The following SPEF2 variants were observed in gnomAD, a reference collection of about 807,000 sequenced individuals.
SPEF2 encodes sperm flagella and cilia-associated protein 2.
Under a neutral mutation model 224.6 loss-of-function variants are expected in SPEF2, and 187 were observed. That is an observed-to-expected ratio of 0.83 (90% CI 0.74 to 0.94). The LOEUF (loss-of-function observed/expected upper bound fraction) is 0.94. Ranked by LOEUF, SPEF2 falls within the 40% of genes least tolerant of loss-of-function variation. The pLI is 0.00. For synonymous variants in SPEF2, 715 were observed against 707.3 expected (o/e 1.01, Z -0.17); for missense variants, 2,170 against 2,135.6 (o/e 1.02, Z -0.32).
rs779497955 is a variant in SPEF2, at chr5:35,618,110, T to TGCAGC, written c.58+69_58+73dup. ...TGAGGGGCTAGCGGGGCGCAGAGCCTGCAGCGCAGCGCAGCGCACTCAGGG... is the reference window on the plus strand; with the variant it reads ...TGAGGGGCTAGCGGGGCGCAGAGCCTGCAGCGCAGCGCAGCGCAGCGCACTCAGGG... On this transcript the variant is annotated intron_variant, in intron 1 of 36. Transcript: ENST00000356031. 5.3e-5 allele frequency: 81 copies of TGCAGC among 1,536,428 alleles called. 1 individual carries two copies. The highest frequency in any genetic ancestry group is 1.4e-4 in the South Asian group (12 of 84,542).
At chr5:35,735,567 A>G (rs911553716) in intron 21 of SPEF2, among the ~76,000 whole-genome samples, 24 of 152,232 alleles carry the variant, frequency 1.6e-4, no homozygotes, top group African/African-American at 5.3e-4. Context: ...TAGATAATGT[A>G]TCTGTAGCAT....
chr5:35,619,205 T>C (rs1743116614), intron 1 of SPEF2, among the ~76,000 whole-genome samples: 1 of 152,226 alleles, frequency 6.6e-6, no homozygotes, highest in Non-Finnish European at 1.5e-5. Flanking sequence ...TATCCCATTG[T>C]GTCTCCAACT....
At chr5:35,638,516 T>C (rs1419907282) in intron 2 of SPEF2, among the ~76,000 whole-genome samples, 1 of 152,200 alleles carries the variant, frequency 6.6e-6, no homozygotes, top group Non-Finnish European at 1.5e-5. Context: ...GAAACTTGTA[T>C]TTATTCTGAA....
chr5:35,774,406 A>G (rs1753312190), intron 28 of SPEF2, among the ~76,000 whole-genome samples: 1 of 152,208 alleles, frequency 6.6e-6, no homozygotes, highest in South Asian at 2.1e-4. Flanking sequence ...AAGTGGTTTT[A>G]TATTACAGTA....
intron 2 of SPEF2, among the ~76,000 whole-genome samples, chr5:35,635,383 A>G (rs954732187): frequency 1.3e-5 from 2 of 152,090 alleles, no homozygotes; most frequent in African/African-American, 4.8e-5. Flanking sequence ...CCCTGAGAAC[A>G]CTAGCTGGTA....
intron 5 of SPEF2, among the ~76,000 whole-genome samples, 180 bp downstream of exon 5, chr5:35,646,987 A>G (rs1747465340): frequency 6.6e-6 from 1 of 152,192 alleles, no homozygotes; most frequent in Non-Finnish European, 1.5e-5. Context: ...TTATATTGTT[A>G]TTTGTTCAGA....
chr5:35,768,726 C>A (rs895151718), intron 26 of SPEF2, among the ~76,000 whole-genome samples: 1 of 152,064 alleles, frequency 6.6e-6, no homozygotes. Context: ...ATATTACTAA[C>A]AATCATATTT....
At chr5:35,775,851 G>C (rs1486705640) in intron 28 of SPEF2, among the ~76,000 whole-genome samples, 1 of 152,108 alleles carries the variant, frequency 6.6e-6, no homozygotes, top group Non-Finnish European at 1.5e-5. Context: ...ATAGGCCCAG[G>C]GGCACATGGA....
At chr5:35,687,931 T>C (rs564225709) in intron 10 of SPEF2, among the ~76,000 whole-genome samples, 10 of 148,594 alleles carry the variant, frequency 6.7e-5, no homozygotes, top group Non-Finnish European at 1.5e-5. Flanking sequence ...AGCAAAAAAT[T>C]TTTGCAAGCA....
chr5:35,693,985 A>C (rs765780847), intron 12 of SPEF2, among the ~76,000 whole-genome samples: 7 of 152,184 alleles, frequency 4.6e-5, no homozygotes, highest in Non-Finnish European at 1.0e-4. Context: ...CCCTTTCCTC[A>C]GGTTCCACTA....
intron 11 of SPEF2, 71 bp from the exon 12 acceptor site, chr5:35,692,499 C>T: frequency 1.6e-6 from 2 of 1,229,864 alleles, no homozygotes; most frequent in African/African-American, 1.5e-5. Context: ...AGGACAAAAC[C>T]AGCACATAAA....
At chr5:35,800,217 C>A in intron 34 of SPEF2, 70 bp downstream of exon 34, 1 of 1,504,628 alleles carries the variant, frequency 6.6e-7, no homozygotes, top group Middle Eastern at 1.8e-4. Flanking sequence ...AAACTGACAA[C>A]AAGGACTCTA....
chr5:35,704,862 T>C (rs1739421465), intron 17 of SPEF2, among the ~76,000 whole-genome samples, 200 bp downstream of exon 17: 1 of 152,052 alleles, frequency 6.6e-6, no homozygotes, highest in Non-Finnish European at 1.5e-5. Flanking sequence ...GTCATTAGTC[T>C]GAAAAAAAGA....
intron 3 of SPEF2, chr5:35,643,799 C>T (rs994123600): frequency 4.0e-6 from 1 of 252,654 alleles, no homozygotes; most frequent in African/African-American, 2.2e-5. Flanking sequence ...TGGATCTTCA[C>T]AACAGCCATA....
intron 10 of SPEF2, among the ~76,000 whole-genome samples, chr5:35,686,972 G>C (rs991123920): frequency 6.6e-6 from 1 of 151,886 alleles, no homozygotes; most frequent in African/African-American, 2.4e-5. Flanking sequence ...AGGATGTGCA[G>C]AAGATTTTAT....
At chr5:35,798,889 G>A (rs985531530) in intron 33 of SPEF2, among the ~76,000 whole-genome samples, 7 of 151,682 alleles carry the variant, frequency 4.6e-5, no homozygotes, top group Non-Finnish European at 7.4e-5. Flanking sequence ...GAGCCACCAC[G>A]CCTGGCCTCT....
intron 10 of SPEF2, among the ~76,000 whole-genome samples, chr5:35,676,586 A>G (rs1463170624): frequency 2.6e-5 from 4 of 152,072 alleles, no homozygotes; most frequent in Admixed American, 6.5e-5. Flanking sequence ...AAAATTAGCT[A>G]GGCATTTTGG....
chr5:35,732,316 C>G (rs1745767435), intron 21 of SPEF2, among the ~76,000 whole-genome samples: 1 of 152,154 alleles, frequency 6.6e-6, no homozygotes, highest in Non-Finnish European at 1.5e-5. Context: ...TCTTCATGCA[C>G]ACAGTGTTGA....
chr5:35,635,852 T>TC, intron 2 of SPEF2, among the ~76,000 whole-genome samples: 1 of 152,338 alleles, frequency 6.6e-6, no homozygotes, highest in South Asian at 2.1e-4. Flanking sequence ...ACTTTTTTTT[T>TC]CTAAACAGGA....
Sources: allele counts gnomAD v4.1 joint callset (sites outside exome capture counted in the v4.1 genomes callset), GRCh38; gene constraint gnomAD v4.1.1; transcripts MANE v1.5; gene names NCBI Gene and HGNC (gene_info 2026-07-23, HGNC 2026-07-21).